The following SH3RF3 variants were observed in gnomAD, a reference collection of about 807,000 sequenced individuals.
SH3RF3 encodes E3 ubiquitin-protein ligase SH3RF3.
SH3RF3 carries 29 observed loss-of-function variants against 66.3 expected under a neutral mutation model. That is an observed-to-expected ratio of 0.44 (90% confidence interval 0.33 to 0.60). SH3RF3 has a LOEUF of 0.60. Among genes scored for constraint, SH3RF3 ranks in the 20% least tolerant of loss-of-function variants. The probability of loss-of-function intolerance (pLI) is 0.04; values close to 1 mark genes in which losing one functional copy is unlikely to be tolerated. For missense variants in SH3RF3, 1,194 were observed against 1,190.9 expected, an observed-to-expected ratio of 1.00 and a Z score of -0.04; for synonymous variants, 583 against 532.0, an observed-to-expected ratio of 1.10 and a Z score of -1.32.
At chr2:109,275,949 A>G (rs1680747611) in intron 1 of SH3RF3, among the ~76,000 whole-genome samples, 1 of 152,194 alleles carries the variant, frequency 6.6e-6, no homozygotes, top group African/African-American at 2.4e-5. Flanking sequence ...GAATGGATTT[A>G]TAGCCCACGT....
At chr2:109,438,914 G>GGT (rs1677485941) in intron 7 of SH3RF3, among the ~76,000 whole-genome samples, 1 of 152,150 alleles carries the variant, frequency 6.6e-6, no homozygotes, top group African/African-American at 2.4e-5. Context: ...CAATCAGCCC[G>GGT]GTGTTCTGTA....
At chr2:109,144,310 CTG>C (rs1677041422) in intron 1 of SH3RF3, among the ~76,000 whole-genome samples, 1 of 152,142 alleles carries the variant, frequency 6.6e-6, no homozygotes. Context: ...TTTTATTTGT[CTG>C]TTATACCTCA....
intron 1 of SH3RF3, among the ~76,000 whole-genome samples, chr2:109,290,473 C>T (rs1166395502): frequency 6.6e-6 from 1 of 152,240 alleles, no homozygotes; most frequent in South Asian, 2.1e-4. Flanking sequence ...TCCTCATGTT[C>T]GTATTCTATA....
chr2:109,168,012 G>A (rs1489199843), intron 1 of SH3RF3, among the ~76,000 whole-genome samples: 1 of 152,124 alleles, frequency 6.6e-6, no homozygotes, highest in African/African-American at 2.4e-5. Context: ...TCTAAATGTG[G>A]CATGGGAGGG....
rs150255256 is a variant in SH3RF3 at position 109,376,493 on chromosome 2, C to T, written c.945+4812C>T. On this transcript the variant is annotated intron_variant, in intron 3 of 9. Transcript: ENST00000309415. ...CAAATACGCCAGTGATTCTCGTCTGCGAGGAAAACCTCTCCATGGGGCCAG... is the reference window on the plus strand; with the variant it reads ...CAAATACGCCAGTGATTCTCGTCTGTGAGGAAAACCTCTCCATGGGGCCAG... Among the ~76,000 whole-genome samples the T allele has an allele frequency of 4.1e-3, 617 of 152,186 alleles. 5 individuals are homozygous for T. Among genetic ancestry groups the T allele is most frequent in the South Asian group, 0.024 (117 of 4,818 alleles).
intron 1 of SH3RF3, among the ~76,000 whole-genome samples, chr2:109,206,485 C>T (rs1434566443): frequency 1.9e-4 from 16 of 85,446 alleles, no homozygotes; most frequent in East Asian, 4.1e-4. Context: ...AGTGAGACTC[C>T]GTCTCAAAAA....
At chr2:109,219,692 T>A (rs1424708671) in intron 1 of SH3RF3, among the ~76,000 whole-genome samples, 1 of 152,172 alleles carries the variant, frequency 6.6e-6, no homozygotes, top group African/African-American at 2.4e-5. Context: ...CAATTTGCAA[T>A]CTCATCAAAA....
At chr2:109,338,727 T>A (rs1051615474) in intron 1 of SH3RF3, among the ~76,000 whole-genome samples, 1 of 152,154 alleles carries the variant, frequency 6.6e-6, no homozygotes, top group Non-Finnish European at 1.5e-5. Context: ...CCGACTAATT[T>A]GTGTATTTTT....
intron 1 of SH3RF3, among the ~76,000 whole-genome samples, chr2:109,340,369 G>C (rs1682532526): frequency 6.6e-6 from 1 of 152,222 alleles, no homozygotes; most frequent in Admixed American, 6.5e-5. Context: ...AAGGGGCAAG[G>C]TCTGGATGAG....
chr2:109,173,849 T>C (rs1157152357), intron 1 of SH3RF3, among the ~76,000 whole-genome samples: 2 of 152,224 alleles, frequency 1.3e-5, no homozygotes, highest in African/African-American at 4.8e-5. Context: ...TGGAATTGGA[T>C]GTTCAGACTC....
At chr2:109,327,217 A>G (rs1682179459) in intron 1 of SH3RF3, among the ~76,000 whole-genome samples, 1 of 152,182 alleles carries the variant, frequency 6.6e-6, no homozygotes, top group South Asian at 2.1e-4. Flanking sequence ...TAGAAATAAT[A>G]TTGTATATAG....
chr2:109,290,557 T>C (rs1681142031), intron 1 of SH3RF3, among the ~76,000 whole-genome samples: 1 of 152,254 alleles, frequency 6.6e-6, no homozygotes, highest in African/African-American at 2.4e-5. Flanking sequence ...CTGACTATCC[T>C]TTGGCCCGCC....
intron 1 of SH3RF3, among the ~76,000 whole-genome samples, chr2:109,285,155 A>G (rs1482135290): frequency 6.6e-6 from 1 of 152,200 alleles, no homozygotes; most frequent in Non-Finnish European, 1.5e-5. Context: ...GAGGCTTTCT[A>G]TGGAAGCTGC....
intron 1 of SH3RF3, among the ~76,000 whole-genome samples, chr2:109,188,206 C>G (rs1302989858): frequency 6.6e-6 from 1 of 152,244 alleles, no homozygotes; most frequent in Non-Finnish European, 1.5e-5. Context: ...GAAGGGCTTT[C>G]CTGCTGCAGC....
intron 1 of SH3RF3, among the ~76,000 whole-genome samples, chr2:109,161,243 C>T (rs1677481616): frequency 6.6e-6 from 1 of 152,180 alleles, no homozygotes; most frequent in African/African-American, 2.4e-5. Context: ...ATAAGTCAGG[C>T]ACGAGTATGC....
At chr2:109,412,219 A>G (rs770040132) in intron 4 of SH3RF3, among the ~76,000 whole-genome samples, 7 of 152,276 alleles carry the variant, frequency 4.6e-5, no homozygotes, top group Admixed American at 2.0e-4. Flanking sequence ...GCCTCTGCCC[A>G]GCAGACAAAA....
intron 1 of SH3RF3, among the ~76,000 whole-genome samples, chr2:109,289,895 T>C (rs1239269317): frequency 2.0e-5 from 3 of 152,250 alleles, no homozygotes; most frequent in Non-Finnish European, 4.4e-5. Flanking sequence ...AGAGGATTGC[T>C]GAGGTTCCTT....
chr2:109,218,838 C>T (rs531269491), intron 1 of SH3RF3, among the ~76,000 whole-genome samples: 4 of 152,258 alleles, frequency 2.6e-5, no homozygotes, highest in Non-Finnish European at 5.9e-5. Context: ...ATTAATCAAA[C>T]ACACACACAA....
intron 1 of SH3RF3, among the ~76,000 whole-genome samples, chr2:109,335,581 A>T (rs965337869): frequency 6.6e-6 from 1 of 151,948 alleles, no homozygotes; most frequent in East Asian, 1.9e-4. Flanking sequence ...CCCCTGGTTT[A>T]TGTGTCCCCT....
Sources: gnomAD v4.1 joint callset for allele counts (sites outside exome capture counted in the v4.1 genomes callset) on GRCh38, gnomAD v4.1.1 for gene constraint, MANE v1.5 for transcripts, NCBI Gene and HGNC (gene_info 2026-07-23, HGNC 2026-07-21) for gene names.